PDSS2: variants seen among roughly 807,000 people sequenced by gnomAD.
PDSS2 encodes the protein all trans-polyprenyl-diphosphate synthase PDSS2.
Under a neutral mutation model 44.5 loss-of-function variants are expected in PDSS2, and 31 were observed. That is an observed-to-expected ratio of 0.70 (90% CI 0.52 to 0.94). The LOEUF (loss-of-function observed/expected upper bound fraction) is 0.94. PDSS2 is among the 40% of genes least tolerant of loss of function. The pLI, the probability that PDSS2 is intolerant of heterozygous loss-of-function variation, is 0.00. For synonymous variants in PDSS2, 157 were observed against 180.3 expected, an observed-to-expected ratio of 0.87 and a Z score of 1.03; for missense variants, 452 against 482.2, an observed-to-expected ratio of 0.94 and a Z score of 0.59.
intron 4 of PDSS2, among the ~76,000 whole-genome samples, chr6:107,229,023 C>A (rs1335496598): frequency 6.6e-5 from 10 of 152,030 alleles, no homozygotes; most frequent in Non-Finnish European, 1.5e-4. Context: ...GTAAATTGAC[C>A]AATGAAATAC....
At chr6:107,362,932 A>G (rs1778825782) in intron 1 of PDSS2, among the ~76,000 whole-genome samples, 1 of 152,322 alleles carries the variant, frequency 6.6e-6, no homozygotes, top group African/African-American at 2.4e-5. Flanking sequence ...AAATAGCAGA[A>G]AAAGAAGCAA....
chr6:107,343,773 T>C (rs1325384068), intron 1 of PDSS2, among the ~76,000 whole-genome samples: 1 of 152,230 alleles, frequency 6.6e-6, no homozygotes, highest in African/African-American at 2.4e-5. Context: ...CCTGGTGTCA[T>C]TGTATAGGTG....
intron 2 of PDSS2, among the ~76,000 whole-genome samples, chr6:107,277,087 T>C (rs1775809159): frequency 6.6e-6 from 1 of 152,216 alleles, no homozygotes; most frequent in South Asian, 2.1e-4. Context: ...CAATCCCCAA[T>C]CTATTTCTAC....
intron 1 of PDSS2, among the ~76,000 whole-genome samples, chr6:107,412,506 C>T (rs1780536757): frequency 6.6e-6 from 1 of 152,296 alleles, no homozygotes; most frequent in Middle Eastern, 3.4e-3. Context: ...TCCCAAAGTG[C>T]TGGGATTACA....
At chr6:107,300,764 A>G (rs1776668255) in intron 2 of PDSS2, among the ~76,000 whole-genome samples, 1 of 152,158 alleles carries the variant, frequency 6.6e-6, no homozygotes, top group Non-Finnish European at 1.5e-5. Flanking sequence ...AACAAAAAAC[A>G]CTGGTTTGCA....
chr6:107,399,754 A>G lies in PDSS2; in HGVS notation c.296+59236T>C, dbSNP rs962156792. 2.6e-5 allele frequency among the ~76,000 whole-genome samples: 4 copies of G among 152,284 alleles called. No individual in the cohort carries two copies. In the East Asian group the frequency reaches 5.8e-4, roughly 22 times the overall value. The stretch of plus-strand genomic sequence containing the variant: ...TATATTTTTTTCTTAGTGAACTAAA[A>G]CATTAACAATACTATAATGATTCCC... On this transcript the variant is annotated intron_variant, in intron 1 of 7. Coordinates refer to ENST00000369037, the MANE Select transcript of PDSS2 (RefSeq NM_020381.4).
intron 1 of PDSS2, among the ~76,000 whole-genome samples, chr6:107,448,015 T>C (rs1781743691): frequency 6.6e-6 from 1 of 152,254 alleles, no homozygotes; most frequent in South Asian, 2.1e-4. Context: ...GCCTGAGCTG[T>C]ACCTTGGCCC....
At chr6:107,289,804 A>C (rs1474654896) in intron 2 of PDSS2, among the ~76,000 whole-genome samples, 1 of 152,076 alleles carries the variant, frequency 6.6e-6, no homozygotes, top group Non-Finnish European at 1.5e-5. Context: ...ATTTCAGAGA[A>C]CTCTAGTTGT....
At chr6:107,445,045 AAAC>A (rs1227629793) in intron 1 of PDSS2, among the ~76,000 whole-genome samples, 6 of 152,174 alleles carry the variant, frequency 3.9e-5, no homozygotes, top group African/African-American at 1.4e-4. Flanking sequence ...TATGTTTTAG[AAAC>A]AACAAAAGTC....
intron 6 of PDSS2, among the ~76,000 whole-genome samples, chr6:107,207,072 A>C (rs1235528176): frequency 6.6e-6 from 1 of 151,562 alleles, no homozygotes; most frequent in African/African-American, 2.4e-5. Context: ...AGCTGACTGC[A>C]ACCTCCGCTT....
chr6:107,421,281 C>T (rs1474139241), intron 1 of PDSS2, among the ~76,000 whole-genome samples: 1 of 152,148 alleles, frequency 6.6e-6, no homozygotes, highest in Admixed American at 6.6e-5. Context: ...AACAATTTGG[C>T]AATTTCTTAT....
intron 1 of PDSS2, among the ~76,000 whole-genome samples, chr6:107,334,866 C>T (rs1427485490): frequency 2.0e-5 from 3 of 151,950 alleles, no homozygotes; most frequent in East Asian, 1.9e-4. Context: ...GTTTTAAAAG[C>T]GACAATCTCG....
At chr6:107,354,083 T>C (rs1778513591) in intron 1 of PDSS2, among the ~76,000 whole-genome samples, 1 of 152,204 alleles carries the variant, frequency 6.6e-6, no homozygotes. Context: ...AACCACAAGA[T>C]GTACTAATTT....
chr6:107,436,871 A>T (rs1260592532), intron 1 of PDSS2, among the ~76,000 whole-genome samples: 2 of 152,324 alleles, frequency 1.3e-5, no homozygotes, highest in African/African-American at 4.8e-5. Flanking sequence ...TTAAAAAAAT[A>T]AAGTACAAAT....
Position 107,154,566 on chromosome 6 carries a change from C to T in PDSS2, c.*53G>A. The T allele has an allele frequency of 6.4e-7, 1 of 1,570,268 alleles. No homozygotes were observed. The highest frequency in any genetic ancestry group is 1.7e-4 in the Middle Eastern group (1 of 5,970). ...CATCGTGAAAGCGCTCCCAATCAAC[C>T]TCATTCCCTAGGATTTTCAGCTAAC... On this transcript the variant is annotated 3_prime_UTR_variant, in exon 8 of 8. Coordinates refer to ENST00000369037, the MANE Select transcript of PDSS2 (RefSeq NM_020381.4).
At chr6:107,312,813 G>A (rs938183484) in intron 2 of PDSS2, among the ~76,000 whole-genome samples, 2 of 152,184 alleles carry the variant, frequency 1.3e-5, no homozygotes, top group Non-Finnish European at 2.9e-5. Flanking sequence ...CCTACTAGGG[G>A]CCAAAAGTAT....
At chr6:107,314,798 T>C (rs1200689962) in intron 2 of PDSS2, among the ~76,000 whole-genome samples, 1 of 152,238 alleles carries the variant, frequency 6.6e-6, no homozygotes, top group Non-Finnish European at 1.5e-5. Context: ...TTGGAATCTA[T>C]TATTTACAGA....
intron 1 of PDSS2, among the ~76,000 whole-genome samples, chr6:107,441,223 C>G (rs1230280720): frequency 2.0e-5 from 3 of 152,220 alleles, no homozygotes; most frequent in Non-Finnish European, 4.4e-5. Flanking sequence ...GTAGACTCCT[C>G]TCTTTGAGGA....
intron 1 of PDSS2, among the ~76,000 whole-genome samples, chr6:107,355,050 A>G (rs1469393136): frequency 6.6e-6 from 1 of 151,870 alleles, no homozygotes; most frequent in African/African-American, 2.4e-5. Flanking sequence ...CTCCTGCCTC[A>G]GCCTCCCCAG....
Sources: gnomAD v4.1 joint callset for allele counts (sites outside exome capture counted in the v4.1 genomes callset) on GRCh38, gnomAD v4.1.1 for gene constraint, MANE v1.5 for transcripts, NCBI Gene and HGNC (gene_info 2026-07-23, HGNC 2026-07-21) for gene names.